MYO3A: variants seen among roughly 807,000 people sequenced by gnomAD.
The protein encoded by MYO3A is myosin IIIA, also known as myosin-IIIa.
Under a neutral mutation model 192.7 loss-of-function variants are expected in MYO3A, and 180 were observed. That is an observed-to-expected ratio of 0.93 (90% CI 0.83 to 1.06). MYO3A has a LOEUF of 1.06. Among genes scored for constraint, MYO3A ranks in the 50% least tolerant of loss-of-function variants. The probability of loss-of-function intolerance (pLI) is 0.00; values close to 1 mark genes in which losing one functional copy is unlikely to be tolerated. For synonymous variants in MYO3A, 628 were observed against 645.3 expected, an observed-to-expected ratio of 0.97 and a Z score of 0.41; for missense variants, 1,896 against 1,905.0, an observed-to-expected ratio of 1.00 and a Z score of 0.09.
chr10:26,125,520 G>A lies in MYO3A; in HGVS notation c.2026G>A (p.Asp676Asn), dbSNP rs762040109. Residue 676 changes from aspartate to asparagine, a missense_variant, in exon 19 of 35, where the codon GAT becomes AAT. By Grantham distance (23) the Asp-to-Asn change is conservative (BLOSUM62 1). Transcript: ENST00000642920. ...TGTAGAAAAAGCTACCGATGTCAGG[G>A]ATGCCATGGCTAAAACTTTATATGG... ...NTVEKATDVR[D>N]AMAKTLYGRL... is the part of the protein sequence containing the mutation. The A allele has an allele frequency of 1.2e-6, 2 of 1,613,906 alleles. No homozygotes were observed. The highest frequency in any genetic ancestry group is 3.3e-5 in the Admixed American group (2 of 60,004).
rs1839248396 is a variant in MYO3A at position 26,126,852 on chromosome 10, T to C, written c.2114+1244T>C. ...GGCAACTTTCCTTTCCATTCACTAA[T>C]GAAAACCATCCAAATCTTAGATTTT... On this transcript the variant is annotated intron_variant, in intron 19 of 34. Transcript: ENST00000642920. Among the ~76,000 whole-genome samples the C allele has an allele frequency of 3.3e-5, 5 of 152,162 alleles. No homozygotes were observed. In the South Asian group the frequency reaches 6.2e-4, roughly 19 times the overall value.
At chr10:26,073,631 A>AAATAAT in intron 14 of MYO3A, among the ~76,000 whole-genome samples, 1 of 133,538 alleles carries the variant, frequency 7.5e-6, no homozygotes, top group South Asian at 2.6e-4. Flanking sequence ...ACTCCGTGTC[A>AAATAAT]AATAATAATA....
At chr10:26,037,013 T>C (rs987459693) in intron 10 of MYO3A, among the ~76,000 whole-genome samples, 4 of 152,246 alleles carry the variant, frequency 2.6e-5, no homozygotes, top group African/African-American at 4.8e-5. Context: ...AATCCTGCCG[T>C]CTATTAGTCT....
intron 26 of MYO3A, chr10:26,165,695 T>C: frequency 3.7e-6 from 1 of 273,588 alleles, no homozygotes; most frequent in Non-Finnish European, 7.0e-6. Context: ...ATGTGAAAAA[T>C]AATTCCTTCT....
rs148054201 is a variant in MYO3A, at chr10:26,171,508, C to T, written c.3398+969C>T. Among the ~76,000 whole-genome samples, 610 of 152,286 alleles carry T rather than the reference C, an allele frequency of 4.0e-3. 3 individuals are homozygous for T. The highest frequency in any genetic ancestry group is 0.014 in the African/African-American group (573 of 41,558). On this transcript the variant is annotated intron_variant, in intron 29 of 34. Transcript: ENST00000642920. Reference sequence around the variant, plus strand: ...TCCCCTCACCTTCACCCACACATTCCCTGAATCCCTCAGGCCAACCTCATT... The same window carrying T: ...TCCCCTCACCTTCACCCACACATTCTCTGAATCCCTCAGGCCAACCTCATT...
At chr10:25,995,237 C>T (rs565927430) in intron 4 of MYO3A, among the ~76,000 whole-genome samples, 44 of 152,208 alleles carry the variant, frequency 2.9e-4, no homozygotes, top group Non-Finnish European at 2.4e-4. Context: ...CTAAACTTTT[C>T]GCTTCATTTC....
intron 25 of MYO3A, among the ~76,000 whole-genome samples, chr10:26,156,928 AATTAAT>A (rs1841166862): frequency 6.6e-6 from 1 of 152,216 alleles, no homozygotes; most frequent in South Asian, 2.1e-4. Flanking sequence ...TGGACAAGGA[AATTAAT>A]ATATAAGAAG....
chr10:26,051,850 C>T (rs1307677495), intron 10 of MYO3A, among the ~76,000 whole-genome samples: 1 of 151,934 alleles, frequency 6.6e-6, no homozygotes, highest in Non-Finnish European at 1.5e-5. Flanking sequence ...GCCATAATGA[C>T]AGGGTTGAGT....
At chr10:26,110,836 A>G (rs1238715769) in intron 17 of MYO3A, among the ~76,000 whole-genome samples, 1 of 141,552 alleles carries the variant, frequency 7.1e-6, no homozygotes, top group Non-Finnish European at 1.6e-5. Flanking sequence ...ACCCTGATAT[A>G]TTTCTGGAAA....
chr10:26,128,340 C>CATT, intron 19 of MYO3A, 51 bp from the exon 20 acceptor site: 1 of 1,568,692 alleles, frequency 6.4e-7, no homozygotes, highest in East Asian at 2.2e-5. Context: ...CCCTGTTTTA[C>CATT]ATTACCTCTT....
intron 4 of MYO3A, among the ~76,000 whole-genome samples, chr10:25,996,217 C>T (rs1398557963): frequency 6.6e-6 from 1 of 152,224 alleles, no homozygotes; most frequent in Non-Finnish European, 1.5e-5. Context: ...TGCCCCTCCC[C>T]ATAATTCTTA....
intron 10 of MYO3A, among the ~76,000 whole-genome samples, chr10:26,044,412 T>C (rs1404129096): frequency 6.6e-6 from 1 of 152,228 alleles, no homozygotes; most frequent in African/African-American, 2.4e-5. Context: ...CCTAGAGCAC[T>C]GTAGCCCATG....
chr10:26,203,690 C>T (rs1237212955), intron 34 of MYO3A, among the ~76,000 whole-genome samples: 1 of 152,080 alleles, frequency 6.6e-6, no homozygotes, highest in Non-Finnish European at 1.5e-5. Flanking sequence ...ATTTTGAGAT[C>T]TGGGTACATA....
chr10:26,167,445 T>G (rs1841815864), intron 27 of MYO3A, among the ~76,000 whole-genome samples: 1 of 152,200 alleles, frequency 6.6e-6, no homozygotes. Flanking sequence ...ATCAATTTTA[T>G]CAGGCTAAAA....
intron 10 of MYO3A, among the ~76,000 whole-genome samples, chr10:26,055,828 C>T (rs926464537): frequency 7.9e-5 from 12 of 152,156 alleles, no homozygotes; most frequent in African/African-American, 2.9e-4. Context: ...AAGGTTGAAA[C>T]CTAATCATAT....
chr10:26,210,449 A>G (rs1844171949), intron 34 of MYO3A, among the ~76,000 whole-genome samples: 1 of 152,208 alleles, frequency 6.6e-6, no homozygotes, highest in Non-Finnish European at 1.5e-5. Context: ...TCAGTGAGCC[A>G]ACCCTTTCAG....
intron 20 of MYO3A, among the ~76,000 whole-genome samples, chr10:26,140,345 C>G (rs939002196): frequency 2.0e-5 from 3 of 152,138 alleles, no homozygotes; most frequent in Non-Finnish European, 4.4e-5. Flanking sequence ...TGTGGGCTTT[C>G]CTGCCACTGT....
intron 34 of MYO3A, among the ~76,000 whole-genome samples, chr10:26,211,628 G>T (rs1471144447): frequency 6.6e-6 from 1 of 152,134 alleles, no homozygotes; most frequent in Non-Finnish European, 1.5e-5. Context: ...GGCTCCACCA[G>T]CCCCTCTGCT....
Position 25,939,151 on chromosome 10 carries a change from GT to G in MYO3A, c.-18+3325del, listed in dbSNP as rs892391902. Among the ~76,000 whole-genome samples, 13 of 151,790 alleles carry G rather than the reference GT, an allele frequency of 8.6e-5. No homozygotes were observed. The South Asian group carries it at 1.5e-3, about 17-fold the overall frequency. ...TCTAGGAAATTGTCCATCTAATCTGGTTTTAGATTTATTAATATAAAATTAT... is the reference window on the plus strand; with the variant it reads ...TCTAGGAAATTGTCCATCTAATCTGGTTTAGATTTATTAATATAAAATTAT... On this transcript the variant is annotated intron_variant, in intron 2 of 34. Coordinates refer to ENST00000642920, the MANE Select transcript of MYO3A (RefSeq NM_017433.5).
Sources: gnomAD v4.1 joint callset for allele counts (sites outside exome capture counted in the v4.1 genomes callset) on GRCh38, gnomAD v4.1.1 for gene constraint, MANE v1.5 for transcripts, NCBI Gene and HGNC (gene_info 2026-07-23, HGNC 2026-07-21) for gene names.